GRM5: variants seen among roughly 807,000 people sequenced by gnomAD.
GRM5 encodes the protein glutamate metabotropic receptor 5, also known as metabotropic glutamate receptor 5.
In GRM5, 19 loss-of-function variants were observed where a neutral mutation model predicts 83.1. The ratio of observed to expected loss-of-function variants is 0.23; its 90% CI spans 0.16 to 0.34. GRM5 has a LOEUF of 0.34. GRM5 is among the 10% of genes least tolerant of loss of function. The probability of loss-of-function intolerance (pLI) is 1.00; values close to 1 mark genes in which losing one functional copy is unlikely to be tolerated. For missense variants in GRM5, 1,160 were observed against 1,588.3 expected, an observed-to-expected ratio of 0.73 and a Z score of 4.58; for synonymous variants, 675 against 633.6, an observed-to-expected ratio of 1.07 and a Z score of -0.98.
At chr11:88,892,559 C>G (rs1945164092) in intron 2 of GRM5, among the ~76,000 whole-genome samples, 1 of 151,934 alleles carries the variant, frequency 6.6e-6, no homozygotes, top group African/African-American at 2.4e-5. Context: ...AATATTCACG[C>G]CAAGTATAAG....
At chr11:88,859,162 A>G (rs1488201346) in intron 2 of GRM5, among the ~76,000 whole-genome samples, 1 of 152,102 alleles carries the variant, frequency 6.6e-6, no homozygotes, top group African/African-American at 2.4e-5. Flanking sequence ...AGTAGAAGAT[A>G]TATAGGAGTA....
intron 3 of GRM5, among the ~76,000 whole-genome samples, chr11:88,804,199 G>T (rs1442600475): frequency 1.3e-5 from 2 of 149,740 alleles, no homozygotes; most frequent in African/African-American, 2.5e-5. Context: ...TATACCCAAA[G>T]GACTATAAAT....
intron 3 of GRM5, among the ~76,000 whole-genome samples, chr11:88,834,439 A>C (rs1164382904): frequency 1.3e-5 from 2 of 152,200 alleles, no homozygotes; most frequent in Non-Finnish European, 2.9e-5. Flanking sequence ...GAAAACAATA[A>C]AGCTTTAAAA....
chr11:88,886,638 C>T (rs192885329), intron 2 of GRM5, among the ~76,000 whole-genome samples: 49 of 152,166 alleles, frequency 3.2e-4, no homozygotes, highest in Admixed American at 2.6e-3. Context: ...TGAGGATTTC[C>T]GGCCAGGGTT....
intron 2 of GRM5, among the ~76,000 whole-genome samples, chr11:89,003,301 G>A (rs1452085691): frequency 6.6e-6 from 1 of 151,980 alleles, no homozygotes; most frequent in Non-Finnish European, 1.5e-5. Context: ...ATATAGTGCC[G>A]GGCTTCTTGA....
chr11:89,024,893 G>A (rs1941091612), intron 2 of GRM5, among the ~76,000 whole-genome samples: 1 of 152,008 alleles, frequency 6.6e-6, no homozygotes, highest in Admixed American at 6.6e-5. Flanking sequence ...TGTTAAACAA[G>A]TGAATATCTC....
chr11:89,060,212 G>A (rs999138981), intron 1 of GRM5, among the ~76,000 whole-genome samples: 18 of 151,364 alleles, frequency 1.2e-4, no homozygotes, highest in East Asian at 3.9e-4. Flanking sequence ...TCTCTTTTGC[G>A]TATGTATGTA....
chr11:88,542,943 C>T (rs931916245), intron 8 of GRM5, among the ~76,000 whole-genome samples: 14 of 152,142 alleles, frequency 9.2e-5, no homozygotes, highest in Non-Finnish European at 1.9e-4. Flanking sequence ...TGGCACATAC[C>T]TGTAATCCCA....
At chr11:88,629,868 T>C (rs937964198) in intron 4 of GRM5, among the ~76,000 whole-genome samples, 2 of 152,218 alleles carry the variant, frequency 1.3e-5, no homozygotes, top group African/African-American at 4.8e-5. Flanking sequence ...CATGTCTCAA[T>C]TGAGTAAAAG....
chr11:88,814,113 T>C (rs1194667446), intron 3 of GRM5, among the ~76,000 whole-genome samples: 1 of 152,156 alleles, frequency 6.6e-6, no homozygotes, highest in African/African-American at 2.4e-5. Flanking sequence ...TGTGAAACAA[T>C]TAAAAAACTG....
chr11:88,787,805 G>C (rs578165751), intron 3 of GRM5, among the ~76,000 whole-genome samples: 1 of 152,248 alleles, frequency 6.6e-6, no homozygotes, highest in African/African-American at 2.4e-5. Context: ...TATTGAGATA[G>C]GGAATGTAGG....
At chr11:88,649,188 GT>G (rs1939555696) in intron 4 of GRM5, among the ~76,000 whole-genome samples, 1 of 133,638 alleles carries the variant, frequency 7.5e-6, no homozygotes, top group African/African-American at 2.8e-5. Context: ...TATTATATAT[GT>G]TATATATAAT....
intron 8 of GRM5, among the ~76,000 whole-genome samples, chr11:88,543,948 T>G (rs1035571463): frequency 1.3e-5 from 2 of 152,118 alleles, no homozygotes; most frequent in Admixed American, 1.3e-4. Flanking sequence ...TAGGGGTGAT[T>G]TTGTGAGGGC....
intron 4 of GRM5, among the ~76,000 whole-genome samples, chr11:88,637,148 G>A (rs946560800): frequency 2.0e-5 from 3 of 151,980 alleles, no homozygotes; most frequent in African/African-American, 7.2e-5. Context: ...TGGGCAGTAT[G>A]GCCATTTTCA....
intron 6 of GRM5, among the ~76,000 whole-genome samples, chr11:88,595,472 C>T (rs1364799420): frequency 6.6e-6 from 1 of 152,060 alleles, no homozygotes; most frequent in South Asian, 2.1e-4. Flanking sequence ...CATTTTTTAT[C>T]TTGCACATAT....
intron 9 of GRM5, among the ~76,000 whole-genome samples, chr11:88,514,926 CCT>C (rs1240450155): frequency 2.6e-5 from 4 of 152,136 alleles, no homozygotes; most frequent in African/African-American, 9.7e-5. Flanking sequence ...TGGATTTTCA[CCT>C]CTCTCTTAAG....
At chr11:88,650,756 G>A (rs1468464064) in intron 4 of GRM5, among the ~76,000 whole-genome samples, 3 of 151,856 alleles carry the variant, frequency 2.0e-5, no homozygotes, top group Non-Finnish European at 4.4e-5. Flanking sequence ...CAGATTTGAT[G>A]GTGATTTTTA....
At chr11:88,568,587 T>C (rs1215788068) in intron 7 of GRM5, among the ~76,000 whole-genome samples, 1 of 152,188 alleles carries the variant, frequency 6.6e-6, no homozygotes, top group Non-Finnish European at 1.5e-5. Context: ...AGGATCTTTG[T>C]AGAGCAATGA....
intron 2 of GRM5, among the ~76,000 whole-genome samples, chr11:88,934,440 G>A (rs1374746409): frequency 1.3e-5 from 2 of 151,754 alleles, no homozygotes; most frequent in Non-Finnish European, 2.9e-5. Flanking sequence ...TTTACATGAT[G>A]CATTTGCACC....
Sources: gnomAD v4.1 joint callset for allele counts (sites outside exome capture counted in the v4.1 genomes callset) on GRCh38, gnomAD v4.1.1 for gene constraint, MANE v1.5 for transcripts, NCBI Gene and HGNC (gene_info 2026-07-23, HGNC 2026-07-21) for gene names.